Variants in STK3 observed in about 807,000 individuals in gnomAD.
The protein encoded by STK3 is serine/threonine-protein kinase 3.
STK3 carries 41 observed loss-of-function variants against 58.0 expected under a neutral mutation model. The ratio of observed to expected loss-of-function variants is 0.71; its 90% CI spans 0.55 to 0.92. The LOEUF is 0.92. Among genes scored for constraint, STK3 ranks in the 40% least tolerant of loss-of-function variants. The pLI is 0.00. For synonymous variants in STK3, 170 were observed against 191.0 expected (o/e 0.89, Z 0.91); for missense variants, 479 against 602.7 (o/e 0.79, Z 2.15).
At chr8:98,865,180 C>T (rs1315454620) in intron 3 of STK3, among the ~76,000 whole-genome samples, 1 of 152,126 alleles carries the variant, frequency 6.6e-6, no homozygotes. Context: ...CACTTGAGAC[C>T]AGGAGTTCAG....
downstream of STK3, among the ~76,000 whole-genome samples, chr8:98,398,224 C>T (rs376443598): frequency 3.9e-5 from 6 of 152,090 alleles, no homozygotes; most frequent in African/African-American, 1.4e-4. Context: ...TTTCCAGACC[C>T]GAGGCCATGC....
At chr8:98,356,085 C>A in the STK3 span, among the ~76,000 whole-genome samples, 4 of 152,192 alleles carry the variant, frequency 2.6e-5, no homozygotes, top group Admixed American at 6.5e-5. Flanking sequence ...CATGCCTATC[C>A]TACCATGGGT....
chr8:98,695,198 T>C (rs1824776947), intron 6 of STK3, among the ~76,000 whole-genome samples: 2 of 152,152 alleles, frequency 1.3e-5, no homozygotes, highest in African/African-American at 4.8e-5. Context: ...GATGGGGTTG[T>C]TTTTTTCTTG....
intron 6 of STK3, among the ~76,000 whole-genome samples, chr8:98,681,444 A>T (rs1823639848): frequency 6.6e-6 from 1 of 151,998 alleles, no homozygotes; most frequent in South Asian, 2.1e-4. Flanking sequence ...TGTAAAAAAA[A>T]ATAAAAATAT....
intron 6 of STK3, among the ~76,000 whole-genome samples, chr8:98,675,306 A>G (rs1392166242): frequency 6.6e-6 from 1 of 152,246 alleles, no homozygotes; most frequent in Non-Finnish European, 1.5e-5. Context: ...TTCTGTTAAC[A>G]TCTTTAAACA....
intron 4 of STK3, among the ~76,000 whole-genome samples, chr8:98,744,932 T>C (rs1042209288): frequency 2.0e-5 from 3 of 151,752 alleles, no homozygotes; most frequent in Non-Finnish European, 2.9e-5. Flanking sequence ...TACCCCTATC[T>C]CCTATCATAT....
intron 1 of STK3, among the ~76,000 whole-genome samples, chr8:98,885,486 C>A (rs1206022400): frequency 6.6e-6 from 1 of 152,220 alleles, no homozygotes; most frequent in Non-Finnish European, 1.5e-5. Context: ...GTTGCCCAGG[C>A]TGGAGTGCAA....
chr8:98,708,182 CAT>C (rs999910984), intron 4 of STK3, among the ~76,000 whole-genome samples: 1 of 151,294 alleles, frequency 6.6e-6, no homozygotes, highest in African/African-American at 2.4e-5. Context: ...AAGCAAACAA[CAT>C]ATCTCAAGAA....
intron 10 of STK3, among the ~76,000 whole-genome samples, chr8:98,463,722 G>T (rs1191445622): frequency 6.6e-6 from 1 of 151,898 alleles, no homozygotes; most frequent in Non-Finnish European, 1.5e-5. Flanking sequence ...AAATCTCTGG[G>T]GAAAAACACT....
intron 10 of STK3, among the ~76,000 whole-genome samples, chr8:98,488,608 G>GA (rs1021027952): frequency 2.0e-5 from 3 of 151,976 alleles, no homozygotes; most frequent in Non-Finnish European, 4.4e-5. Context: ...TATTTGGGTA[G>GA]AAAAAAATGC....
rs568569250 is a variant in STK3, at chr8:98,544,345, C to T, written c.1141+3624G>A. Among the ~76,000 whole-genome samples, 4 of 152,248 alleles carry T rather than the reference C, an allele frequency of 2.6e-5. No individual in the cohort carries two copies. The South Asian group carries it at 6.2e-4, about 24-fold the overall frequency. On this transcript the variant is annotated intron_variant, in intron 9 of 10. Coordinates refer to ENST00000419617, the MANE Select transcript of STK3 (RefSeq NM_006281.4). ...AAGTTTGGGTAATGTAATTTTTAAACTGTTTCCTTCCTGTACTATTTGTAT... is the reference window on the plus strand; with the variant it reads ...AAGTTTGGGTAATGTAATTTTTAAATTGTTTCCTTCCTGTACTATTTGTAT...
intron 10 of STK3, among the ~76,000 whole-genome samples, chr8:98,507,617 T>G (rs1012910612): frequency 6.6e-6 from 1 of 152,210 alleles, no homozygotes; most frequent in Non-Finnish European, 1.5e-5. Context: ...ATCTTTACAA[T>G]ACCTTCAGAA....
chr8:98,827,654 T>G (rs754124055), upstream of STK3, among the ~76,000 whole-genome samples: 1 of 150,172 alleles, frequency 6.7e-6, no homozygotes, highest in Non-Finnish European at 1.5e-5. Context: ...AGAAAAAGGG[T>G]TTTTTTTGTT....
At chr8:98,919,862 ACAGT>A in intron 1 of STK3, among the ~76,000 whole-genome samples, 1 of 152,330 alleles carries the variant, frequency 6.6e-6, no homozygotes, top group East Asian at 1.9e-4. Context: ...GAGGACCGAC[ACAGT>A]CAAAGGACTG....
chr8:98,723,305 T>A (rs1467250637), intron 4 of STK3, among the ~76,000 whole-genome samples: 1 of 152,142 alleles, frequency 6.6e-6, no homozygotes, highest in Non-Finnish European at 1.5e-5. Context: ...TTGGTATGAA[T>A]TCACTGGCAA....
At chr8:98,354,134 G>A in the STK3 span, among the ~76,000 whole-genome samples, 345 of 152,258 alleles carry the variant, frequency 2.3e-3, no homozygotes, top group Non-Finnish European at 3.3e-3. Context: ...GCTCAACCAG[G>A]TGAAATTTCA....
intron 10 of STK3, among the ~76,000 whole-genome samples, chr8:98,490,477 A>C (rs187164207): frequency 3.5e-4 from 53 of 152,308 alleles, no homozygotes; most frequent in African/African-American, 1.2e-3. Flanking sequence ...TTTACTTCTT[A>C]GGACATTTTC....
intron 3 of STK3, among the ~76,000 whole-genome samples, chr8:98,855,944 G>T (rs1011742552): frequency 6.6e-5 from 10 of 151,954 alleles, no homozygotes; most frequent in African/African-American, 2.4e-4. Flanking sequence ...ATCACCTGAG[G>T]TCAGGAGTTC....
At chr8:98,904,272 A>G (rs1231170612) in intron 1 of STK3, among the ~76,000 whole-genome samples, 1 of 152,182 alleles carries the variant, frequency 6.6e-6, no homozygotes. Context: ...AGGGAGAAGT[A>G]TTCAACTCCT....
Sources: allele counts gnomAD v4.1 joint callset (sites outside exome capture counted in the v4.1 genomes callset), GRCh38; gene constraint gnomAD v4.1.1; transcripts MANE v1.5; gene names NCBI Gene and HGNC (gene_info 2026-07-23, HGNC 2026-07-21).